Variants in WDR83 observed in about 807,000 individuals in gnomAD.
WDR83 encodes WD repeat domain-containing protein 83.
A neutral mutation model predicts 37.7 loss-of-function variants in WDR83; 37 were observed. The ratio of observed to expected loss-of-function variants is 0.98; its 90% confidence interval spans 0.76 to 1.29. The LOEUF (loss-of-function observed/expected upper bound fraction) is 1.29, where lower values mean the gene tolerates loss of function less well. Among genes scored for constraint, WDR83 ranks in the 50% most tolerant of loss-of-function variants. The pLI, the probability that WDR83 is intolerant of heterozygous loss-of-function variation, is 0.00. For synonymous variants in WDR83, 174 were observed against 181.1 expected (o/e 0.96, Z 0.31); for missense variants, 445 against 414.4 (o/e 1.07, Z -0.64).
Position 12,673,228 on chromosome 19 carries a change from A to G in WDR83, c.710A>G (p.Tyr237Cys). Reference sequence around the variant, plus strand: ...TACAAGGGCCATAAGAACCAGGAATACAAGCTGGACTGCTGCCTGAGCGAG... The same window carrying G: ...TACAAGGGCCATAAGAACCAGGAATGCAAGCTGGACTGCTGCCTGAGCGAG... ...GEYKGHKNQE[Y>C]KLDCCLSERD... Residue 237 changes from tyrosine (Y) to cysteine (C), a missense_variant, in exon 10 of 11, where the codon TAC (tyrosine) becomes TGC (cysteine). Tyr to Cys is a radical substitution (Grantham distance 194, BLOSUM62 -2). Transcript: ENST00000418543. 6.2e-7 allele frequency: 1 copy of G among 1,613,984 alleles called. No individual in the cohort carries two copies. The highest frequency in any genetic ancestry group is 8.5e-7 in the Non-Finnish European group (1 of 1,180,002).
chr19:12,670,499 G>A (rs1392507245), intron 5 of WDR83, 64 bp from the exon 6 acceptor site: 9 of 1,612,752 alleles, frequency 5.6e-6, no homozygotes, highest in Non-Finnish European at 7.6e-6. Context: ...CCGACACTGG[G>A]AACCCTGCCT....
chr19:12,672,537 G>C (rs2024454116), intron 7 of WDR83: 1 of 371,576 alleles, frequency 2.7e-6, no homozygotes. Context: ...GAACCCGGGA[G>C]GCAGAGGTTC....
chr19:12,670,343 G>A, intron 5 of WDR83, 58 bp downstream of exon 5: 2 of 1,575,952 alleles, frequency 1.3e-6, no homozygotes, highest in Admixed American at 3.5e-5. Context: ...TAGCGCATAG[G>A]TGGTGACACG....
intron 10 of WDR83, 122 bp from the exon 11 acceptor site, chr19:12,675,401 T>C: frequency 7.2e-7 from 1 of 1,398,554 alleles, no homozygotes; most frequent in Non-Finnish European, 9.5e-7. Flanking sequence ...GGCAGGTGGC[T>C]GAAGGTCGGG....
chr19:12,669,030 C>G, intron 2 of WDR83: 2 of 1,265,036 alleles, frequency 1.6e-6, no homozygotes, highest in Non-Finnish European at 2.3e-6. Context: ...CAGGTCCCGC[C>G]CCATCAGCAA....
chr19:12,667,826 TAAAAAGGAAAAAAA>T (rs1250048187), intron 1 of WDR83, among the ~76,000 whole-genome samples: 4 of 149,270 alleles, frequency 2.7e-5, no homozygotes, highest in Admixed American at 6.7e-5. Context: ...TTTTCTTTCT[TAAAAAGGAAAAAAA>T]AAAAAGGAAA....
chr19:12,670,480 T>C, intron 5 of WDR83, 83 bp from the exon 6 acceptor site: 1 of 1,605,764 alleles, frequency 6.2e-7, no homozygotes, highest in Non-Finnish European at 8.5e-7. Flanking sequence ...CCCTTCGCCC[T>C]TGCTTTAACC....
At chr19:12,668,936 C>G (rs893862909) in intron 2 of WDR83, among the ~76,000 whole-genome samples, 2 of 152,172 alleles carry the variant, frequency 1.3e-5, no homozygotes, top group Admixed American at 6.6e-5. Flanking sequence ...TGCCACATCC[C>G]CAACCTGACT....
chr19:12,669,699 CAAT>C (rs1351905223), intron 2 of WDR83, 53 bp from the exon 3 acceptor site: 58 of 1,335,360 alleles, frequency 4.3e-5, no homozygotes, highest in Non-Finnish European at 5.7e-5. Context: ...TCAGGAAGAA[CAAT>C]AATAAGGTTA....
chr19:12,666,902 T>A lies in WDR83; in HGVS notation c.-247T>A, dbSNP rs1599362096. The A allele has an allele frequency of 3.4e-6, 2 of 595,480 alleles. No homozygotes were observed. Among genetic ancestry groups the A allele is most frequent in the Middle Eastern group, 4.4e-4 (1 of 2,250 alleles). The allele number at this position is 595,480 out of a possible 1,614,324, so 36.9% of individuals were successfully genotyped here. A position where few individuals can be genotyped will look rare whatever the true frequency, so the allele number is the denominator to read the frequency against. The stretch of plus-strand genomic sequence containing the variant: ...AAAATGCCACCCTCAGGGCACTGGT[T>A]GGGCTAAAGGTGACACTGGCGTCTC... On this transcript the variant is annotated 5_prime_UTR_variant, in exon 1 of 11. An upstream open reading frame in the 5' UTR gains an earlier in-frame stop. Coordinates refer to ENST00000418543, the MANE Select transcript of WDR83 (RefSeq NM_001099737.3).
Position 12,669,739 on chromosome 19 carries a change from G to T in WDR83, c.-36-16G>T, listed in dbSNP as rs375956915. The stretch of plus-strand genomic sequence containing the variant: ...ACCCAAGCGTGGGTTTCTAAGGCGC[G>T]GAATTTTCCGTACAGACCGATTTAA... On this transcript the variant is annotated splice_polypyrimidine_tract_variant and intron_variant, in intron 2 of 10. Transcript: ENST00000418543. The T allele has an allele frequency of 9.2e-6, 14 of 1,524,892 alleles. No individual in the cohort carries two copies. The highest frequency in any genetic ancestry group is 1.4e-5 in the African/African-American group (1 of 71,802). 94.5% of individuals were successfully genotyped at this position (1,524,892 alleles called of 1,614,324 possible).
intron 7 of WDR83, 198 bp downstream of exon 7, chr19:12,671,019 A>T: frequency 1.3e-6 from 1 of 753,146 alleles, no homozygotes; most frequent in Non-Finnish European, 2.0e-6. Flanking sequence ...GGTGAAAGAC[A>T]GACTGTCTAC....
At chr19:12,669,252 T>C in intron 2 of WDR83, 1 of 1,612,412 alleles carries the variant, frequency 6.2e-7, no homozygotes, top group East Asian at 2.2e-5. Flanking sequence ...GGCTCGAGGG[T>C]CAGGGGCGCT....
chr19:12,669,496 G>T, intron 2 of WDR83: 1 of 1,456,044 alleles, frequency 6.9e-7, no homozygotes, highest in Non-Finnish European at 9.4e-7. Context: ...AACACCCGAG[G>T]CCCTCGCATT....
intron 1 of WDR83, 151 bp from the exon 2 acceptor site, chr19:12,668,357 T>A: frequency 1.2e-6 from 2 of 1,611,428 alleles, no homozygotes; most frequent in Non-Finnish European, 1.7e-6. Flanking sequence ...TCTAGGCTGG[T>A]ATCACCATGG....
chr19:12,670,248 C>G lies in WDR83; in HGVS notation c.293C>G (p.Ser98Ter), dbSNP rs773043663. ...GCGGTGGTTCTGTGGGATGTGGCAT[C>G]AGGGCAGGTCGTGCGCAAATTCCGG... ...DKAVVLWDVA[S>*]GQVVRKFRGH... is the part of the protein sequence containing the mutation. Residue 98 changes from serine (S) to a stop codon, truncating the protein, a stop_gained, in exon 5 of 11, where the codon TCA becomes TGA. Coordinates refer to ENST00000418543, the MANE Select transcript of WDR83 (RefSeq NM_001099737.3). LOFTEE classifies it high-confidence loss of function. 1 of 1,614,156 alleles carries G rather than the reference C, an allele frequency of 6.2e-7. No homozygotes were observed. Among genetic ancestry groups the G allele is most frequent in the Non-Finnish European group, 8.5e-7 (1 of 1,180,014 alleles).
At chr19:12,669,406 C>G (rs767598188) in intron 2 of WDR83, 1 of 1,594,260 alleles carries the variant, frequency 6.3e-7, no homozygotes, top group South Asian at 1.1e-5. Flanking sequence ...GTGGACATAG[C>G]GAGTCGAAGG....
intron 1 of WDR83, 39 bp downstream of exon 1, chr19:12,667,031 T>C (rs907983847): frequency 2.4e-6 from 1 of 410,478 alleles, no homozygotes; most frequent in Non-Finnish European, 4.4e-6. Flanking sequence ...GGCCGGGTTT[T>C]CCTAGCCGGT....
intron 2 of WDR83, chr19:12,669,403 T>A (rs774680193): frequency 1.3e-6 from 2 of 1,595,730 alleles, no homozygotes; most frequent in Non-Finnish European, 1.7e-6. Context: ...TTAGTGGACA[T>A]AGCGAGTCGA....
Sources: gnomAD v4.1 joint callset for allele counts (sites outside exome capture counted in the v4.1 genomes callset) on GRCh38, gnomAD v4.1.1 for gene constraint, MANE v1.5 for transcripts, NCBI Gene and HGNC (gene_info 2026-07-23, HGNC 2026-07-21) for gene names.